BARX2: variants seen among roughly 807,000 people sequenced by gnomAD.
The protein encoded by BARX2 is homeobox protein BarH-like 2.
A neutral mutation model predicts 25.5 loss-of-function variants in BARX2; 11 were observed. The ratio of observed to expected loss-of-function variants is 0.43; its 90% CI spans 0.27 to 0.71. The LOEUF is 0.71. Ranked by LOEUF, BARX2 falls within the 30% of genes least tolerant of loss-of-function variation. The pLI, the probability that BARX2 is intolerant of heterozygous loss-of-function variation, is 0.19. For missense variants in BARX2, 360 were observed against 359.9 expected, an observed-to-expected ratio of 1.00 and a Z score of 0.00; for synonymous variants, 137 against 149.5, an observed-to-expected ratio of 0.92 and a Z score of 0.61.
intron 1 of BARX2, among the ~76,000 whole-genome samples, chr11:129,426,118 T>C (rs937492540): frequency 6.6e-6 from 1 of 152,054 alleles, no homozygotes; most frequent in African/African-American, 2.4e-5. Context: ...CTGGAATCTG[T>C]AGAGAGTGCA....
chr11:129,377,437 T>C (rs1195729803), intron 1 of BARX2, among the ~76,000 whole-genome samples: 1 of 152,244 alleles, frequency 6.6e-6, no homozygotes, highest in Non-Finnish European at 1.5e-5. Flanking sequence ...TATACTGTAT[T>C]CAGTTATGCC....
intron 1 of BARX2, among the ~76,000 whole-genome samples, chr11:129,413,890 C>T (rs933416500): frequency 3.9e-5 from 6 of 151,918 alleles, no homozygotes; most frequent in African/African-American, 1.2e-4. Context: ...GGTGAAAACC[C>T]GTCTCTACTA....
chr11:129,387,715 C>T (rs1377679734), intron 1 of BARX2, among the ~76,000 whole-genome samples: 2 of 152,134 alleles, frequency 1.3e-5, no homozygotes, highest in Non-Finnish European at 2.9e-5. Context: ...TATTGGAGTG[C>T]TTGCTTTTTT....
chr11:129,375,923 C>T lies in BARX2; in HGVS notation c.-113C>T. On this transcript the variant is annotated 5_prime_UTR_variant, in exon 1 of 4. Transcript: ENST00000281437. The surrounding 1 kb of genome is among the most constrained non-coding windows in gnomAD (Gnocchi z 4.0). Reference sequence around the variant, plus strand: ...GCGCGCCACCCGAGCCCCGCCGCCTCCCCAGCTGCCGGGAGCGGGGCCCAG... The same window carrying T: ...GCGCGCCACCCGAGCCCCGCCGCCTTCCCAGCTGCCGGGAGCGGGGCCCAG... 3.5e-6 allele frequency: 2 copies of T among 579,140 alleles called. No homozygotes were observed. Among genetic ancestry groups the T allele is most frequent in the Non-Finnish European group, 4.4e-6 (2 of 458,864 alleles). 35.9% of individuals were successfully genotyped at this position (579,140 alleles called of 1,614,324 possible).
At chr11:129,389,736 A>AC (rs537636978) in intron 1 of BARX2, among the ~76,000 whole-genome samples, 165 of 150,896 alleles carry the variant, frequency 1.1e-3, no homozygotes, top group African/African-American at 3.9e-3. Flanking sequence ...TTGAAAAAAA[A>AC]TGAAACTATT....
chr11:129,443,653 G>A (rs1054413487), intron 3 of BARX2, among the ~76,000 whole-genome samples: 1 of 152,174 alleles, frequency 6.6e-6, no homozygotes, highest in African/African-American at 2.4e-5. Context: ...CCTAGCTAAT[G>A]AATATTTCCA....
At chr11:129,398,623 G>A (rs1861746151) in intron 1 of BARX2, among the ~76,000 whole-genome samples, 1 of 152,176 alleles carries the variant, frequency 6.6e-6, no homozygotes, top group Non-Finnish European at 1.5e-5. Flanking sequence ...TGCAACAGGT[G>A]AACTAAAAAA....
At chr11:129,421,162 T>G (rs1383503302) in intron 1 of BARX2, among the ~76,000 whole-genome samples, 2 of 152,212 alleles carry the variant, frequency 1.3e-5, no homozygotes, top group Non-Finnish European at 2.9e-5. Context: ...CGAACCGATG[T>G]GCATTGTGTT....
chr11:129,405,543 G>A (rs558389921), intron 1 of BARX2, among the ~76,000 whole-genome samples: 4 of 152,084 alleles, frequency 2.6e-5, no homozygotes, highest in Non-Finnish European at 5.9e-5. Flanking sequence ...ATTATTACCA[G>A]CACTAGTATT....
intron 3 of BARX2, among the ~76,000 whole-genome samples, chr11:129,445,256 C>T (rs994492459): frequency 6.6e-6 from 1 of 152,172 alleles, no homozygotes; most frequent in Non-Finnish European, 1.5e-5. Flanking sequence ...GATCCACCAC[C>T]CACCTTCTTC....
intron 2 of BARX2, among the ~76,000 whole-genome samples, chr11:129,441,406 A>C (rs1333219546): frequency 6.6e-6 from 1 of 152,206 alleles, no homozygotes; most frequent in Non-Finnish European, 1.5e-5. Flanking sequence ...ATGGTCTGTG[A>C]CAACTACCCA....
chr11:129,432,585 C>T (rs982097322), intron 1 of BARX2, among the ~76,000 whole-genome samples: 6 of 152,140 alleles, frequency 3.9e-5, no homozygotes, highest in Non-Finnish European at 8.8e-5. Context: ...AAACTAAACA[C>T]ATTTTATACT....
chr11:129,395,942 A>G (rs116863487), intron 1 of BARX2, among the ~76,000 whole-genome samples: 152 of 152,124 alleles, frequency 1.0e-3, no homozygotes, highest in Non-Finnish European at 1.6e-3. Context: ...AAAAGATTTC[A>G]CCTCTGAAAA....
rs928163246 is a variant in BARX2, at chr11:129,451,649, A to C, written c.*247A>C. On this transcript the variant is annotated 3_prime_UTR_variant, in exon 4 of 4. Coordinates refer to ENST00000281437, the MANE Select transcript of BARX2 (RefSeq NM_003658.5). ...GTGGATGCCCTTGATTAAGGGAGAG[A>C]GCGCCTAGGAGCTGCCTGCCCCAGC... 1.2e-5 allele frequency: 6 copies of C among 510,160 alleles called. No homozygotes were observed. The highest frequency in any genetic ancestry group is 9.6e-5 in the African/African-American group (5 of 52,290). 31.6% of individuals were successfully genotyped at this position (510,160 alleles called of 1,614,324 possible). A position where few individuals can be genotyped will look rare whatever the true frequency, so the allele number is the denominator to read the frequency against.
chr11:129,436,780 C>T lies in BARX2; in HGVS notation c.217C>T (p.Leu73Phe), dbSNP rs755156185. The T allele has an allele frequency of 1.2e-5, 20 of 1,606,326 alleles. No individual in the cohort carries two copies. Among genetic ancestry groups the T allele is most frequent in the Admixed American group, 1.7e-5 (1 of 59,094 alleles). Reference sequence around the variant, plus strand: ...CCCTTCCCTGCGGGCATATCCGCTCCTCTCGGTGATCACCCGCCAGCCCAC... The same window carrying T: ...CCCTTCCCTGCGGGCATATCCGCTCTTCTCGGTGATCACCCGCCAGCCCAC... ...GSPSLRAYPL[L>F]SVITRQPTVI... The change falls in exon 2 of 4, where the codon CTC becomes TTC. Residue 73 changes from leucine (L) to phenylalanine (F), a missense_variant. Physicochemically the swap from Leu to Phe is conservative, Grantham distance 22. Coordinates refer to ENST00000281437, the MANE Select transcript of BARX2 (RefSeq NM_003658.5). The surrounding 1 kb of genome is among the most constrained non-coding windows in gnomAD (Gnocchi z 4.5).
intron 1 of BARX2, among the ~76,000 whole-genome samples, chr11:129,383,942 C>T (rs1282799985): frequency 2.0e-5 from 3 of 152,214 alleles, no homozygotes; most frequent in East Asian, 1.9e-4. Context: ...GGTGCAATCT[C>T]GGCTCACTGC....
intron 3 of BARX2, among the ~76,000 whole-genome samples, chr11:129,450,695 A>G (rs1048594192): frequency 2.6e-5 from 4 of 152,204 alleles, no homozygotes; most frequent in African/African-American, 9.6e-5. Flanking sequence ...TCAAAAAGCC[A>G]TGCACATTTT....
chr11:129,405,486 A>G (rs1044962452), intron 1 of BARX2, among the ~76,000 whole-genome samples: 2 of 152,138 alleles, frequency 1.3e-5, no homozygotes, highest in African/African-American at 2.4e-5. Context: ...TTTATAAACT[A>G]TAGTTCTTTT....
intron 1 of BARX2, among the ~76,000 whole-genome samples, chr11:129,395,704 G>A (rs534279594): frequency 2.0e-5 from 3 of 152,218 alleles, no homozygotes; most frequent in African/African-American, 7.2e-5. Context: ...CTGGGGGTGG[G>A]TTTTGACTGT....
Sources: gnomAD v4.1 joint callset for allele counts (sites outside exome capture counted in the v4.1 genomes callset) on GRCh38, gnomAD v4.1.1 for gene constraint, Gnocchi (gnomAD v3.1) non-coding constraint, MANE v1.5 for transcripts, NCBI Gene and HGNC (gene_info 2026-07-23, HGNC 2026-07-21) for gene names.